MAGI2: variants seen among roughly 807,000 people sequenced by gnomAD.
MAGI2 encodes the protein membrane associated guanylate kinase, WW and PDZ domain containing 2.
MAGI2 carries 35 observed loss-of-function variants against 133.3 expected under a neutral mutation model. That is an observed-to-expected ratio of 0.26 (90% CI 0.20 to 0.35). MAGI2 has a LOEUF of 0.35. MAGI2 is among the 10% of genes least tolerant of loss of function. The probability of loss-of-function intolerance (pLI) is 1.00; values close to 1 mark genes in which losing one functional copy is unlikely to be tolerated. For synonymous variants in MAGI2, 729 were observed against 710.6 expected, an observed-to-expected ratio of 1.03 and a Z score of -0.41; for missense variants, 1,636 against 1,863.4, an observed-to-expected ratio of 0.88 and a Z score of 2.25.
chr7:78,061,318 T>A (rs1376841401), intron 21 of MAGI2, among the ~76,000 whole-genome samples: 1 of 146,474 alleles, frequency 6.8e-6, no homozygotes, highest in African/African-American at 2.6e-5. Context: ...TCCGGGGGAG[T>A]GGGCCTGAAC....
intron 1 of MAGI2, among the ~76,000 whole-genome samples, chr7:79,170,136 ACTT>A (rs1825371880): frequency 1.2e-5 from 1 of 81,366 alleles, no homozygotes; most frequent in East Asian, 4.5e-4. Context: ...GAGATATTAT[ACTT>A]TTTTTTTTTT....
chr7:78,863,138 C>G (rs1424269924), intron 2 of MAGI2, among the ~76,000 whole-genome samples: 1 of 152,162 alleles, frequency 6.6e-6, no homozygotes, highest in Non-Finnish European at 1.5e-5. Context: ...GCAATGCTTC[C>G]TATTTAACTT....
chr7:79,176,635 A>G (rs944093952), intron 1 of MAGI2, among the ~76,000 whole-genome samples: 2 of 152,014 alleles, frequency 1.3e-5, no homozygotes, highest in Non-Finnish European at 2.9e-5. Flanking sequence ...GAAAACACCT[A>G]AAACCAAGCT....
intron 20 of MAGI2, among the ~76,000 whole-genome samples, chr7:78,106,617 G>A (rs1427634285): frequency 1.3e-5 from 2 of 151,968 alleles, no homozygotes; most frequent in Non-Finnish European, 2.9e-5. Flanking sequence ...ATGATGTTGA[G>A]CATTTTTTTC....
At chr7:79,054,228 T>A (rs1812935192) in intron 1 of MAGI2, among the ~76,000 whole-genome samples, 1 of 151,844 alleles carries the variant, frequency 6.6e-6, no homozygotes, top group African/African-American at 2.4e-5. Flanking sequence ...TAAAGTTTCA[T>A]GTAAGTACAT....
chr7:78,126,996 T>G (rs1349188098), intron 19 of MAGI2, among the ~76,000 whole-genome samples: 1 of 152,262 alleles, frequency 6.6e-6, no homozygotes, highest in Non-Finnish European at 1.5e-5. Flanking sequence ...TTATTTATTG[T>G]CCTGCTTTAT....
At chr7:79,103,711 T>A (rs1478312750) in intron 1 of MAGI2, among the ~76,000 whole-genome samples, 2 of 151,878 alleles carry the variant, frequency 1.3e-5, no homozygotes, top group African/African-American at 2.4e-5. Flanking sequence ...TATTTTTTAT[T>A]TTTTTTGAGA....
At position 78,019,947 on chromosome 7, in the gene MAGI2, C is replaced by A; in HGVS notation, c.3736G>T (p.Ala1246Ser). The change falls in exon 22 of 22, where the codon GCC (alanine) becomes TCC (serine). Residue 1246 changes from alanine (A) to serine (S), a missense_variant. Coordinates refer to ENST00000354212, the MANE Select transcript of MAGI2 (RefSeq NM_012301.4). Reference sequence around the variant, plus strand: ...ACTTCCGGCAGACCTGGGGCGGCGGCAGCGGGAGAACTCCAGGGGGCGGGT... The same window carrying A: ...ACTTCCGGCAGACCTGGGGCGGCGGAAGCGGGAGAACTCCAGGGGGCGGGT... ...DEPAPWSSPA[A>S]AAPGLPEVGV... 6.2e-7 allele frequency: 1 copy of A among 1,608,162 alleles called. No individual in the cohort carries two copies. The highest frequency in any genetic ancestry group is 8.5e-7 in the Non-Finnish European group (1 of 1,177,878).
At chr7:79,074,101 G>T (rs1172542593) in intron 1 of MAGI2, among the ~76,000 whole-genome samples, 1 of 152,014 alleles carries the variant, frequency 6.6e-6, no homozygotes, top group African/African-American at 2.4e-5. Flanking sequence ...AGAAAAAAAG[G>T]GACTATATTT....
chr7:78,108,451 C>T (rs1286892609), intron 20 of MAGI2, among the ~76,000 whole-genome samples: 2 of 152,174 alleles, frequency 1.3e-5, no homozygotes, highest in Non-Finnish European at 2.9e-5. Context: ...TGTTCTGCAG[C>T]TGTCAGATGA....
At chr7:78,068,407 A>C (rs1020984299) in intron 21 of MAGI2, among the ~76,000 whole-genome samples, 3 of 152,002 alleles carry the variant, frequency 2.0e-5, no homozygotes, top group Non-Finnish European at 4.4e-5. Flanking sequence ...CAACACTAAG[A>C]CTGAACCCTA....
At chr7:78,453,933 T>G (rs1316684504) in intron 6 of MAGI2, among the ~76,000 whole-genome samples, 1 of 152,176 alleles carries the variant, frequency 6.6e-6, no homozygotes, top group Non-Finnish European at 1.5e-5. Flanking sequence ...GTCCATATTT[T>G]GGGGATACAT....
chr7:79,100,476 T>G (rs1817881285), intron 1 of MAGI2, among the ~76,000 whole-genome samples: 1 of 151,634 alleles, frequency 6.6e-6, no homozygotes, highest in African/African-American at 2.4e-5. Context: ...CAGGTTAATG[T>G]ACATTATATA....
chr7:78,818,311 G>A (rs1258438782), intron 2 of MAGI2, among the ~76,000 whole-genome samples: 1 of 152,114 alleles, frequency 6.6e-6, no homozygotes, highest in African/African-American at 2.4e-5. Flanking sequence ...TCCACAGAGG[G>A]AGGAAAGGCT....
intron 6 of MAGI2, among the ~76,000 whole-genome samples, chr7:78,398,704 G>C (rs909685131): frequency 6.6e-6 from 1 of 152,062 alleles, no homozygotes; most frequent in African/African-American, 2.4e-5. Flanking sequence ...TGGTGGAAAG[G>C]TAGGAGCCTA....
chr7:78,215,142 C>T (rs937759475), intron 10 of MAGI2, among the ~76,000 whole-genome samples: 1 of 152,008 alleles, frequency 6.6e-6, no homozygotes, highest in Non-Finnish European at 1.5e-5. Flanking sequence ...AAGCATAAAG[C>T]GAAGAATGGG....
chr7:78,303,529 G>A (rs1244709705), intron 9 of MAGI2, among the ~76,000 whole-genome samples: 1 of 151,672 alleles, frequency 6.6e-6, no homozygotes, highest in African/African-American at 2.4e-5. Flanking sequence ...AGTTCCAAAT[G>A]AAAGCGTTGG....
intron 1 of MAGI2, among the ~76,000 whole-genome samples, chr7:79,073,877 ACTT>A (rs547993380): frequency 2.8e-4 from 42 of 150,830 alleles, no homozygotes; most frequent in African/African-American, 9.3e-4. Flanking sequence ...TCTAGCACAG[ACTT>A]CTTCTTCCTA....
chr7:79,240,365 A>G (rs867126959), intron 1 of MAGI2, among the ~76,000 whole-genome samples: 4 of 152,012 alleles, frequency 2.6e-5, no homozygotes, highest in South Asian at 4.1e-4. Context: ...AATGAAAAAA[A>G]AAAAAAAAAG....
Sources: allele counts gnomAD v4.1 joint callset (sites outside exome capture counted in the v4.1 genomes callset), GRCh38; gene constraint gnomAD v4.1.1; transcripts MANE v1.5; gene names NCBI Gene and HGNC (gene_info 2026-07-23, HGNC 2026-07-21).